PTPRM: variants seen among roughly 807,000 people sequenced by gnomAD.
The protein encoded by PTPRM is receptor-type tyrosine-protein phosphatase mu.
A neutral mutation model predicts 186.7 loss-of-function variants in PTPRM; 47 were observed. That is an observed-to-expected ratio of 0.25 (90% confidence interval 0.20 to 0.32). The LOEUF (loss-of-function observed/expected upper bound fraction) is 0.32. Ranked by LOEUF, PTPRM falls within the 10% of genes least tolerant of loss-of-function variation. The probability of loss-of-function intolerance (pLI) is 1.00; values close to 1 mark genes in which losing one functional copy is unlikely to be tolerated. For synonymous variants in PTPRM, 668 were observed against 674.9 expected, an observed-to-expected ratio of 0.99 and a Z score of 0.16; for missense variants, 1,494 against 1,865.0, an observed-to-expected ratio of 0.80 and a Z score of 3.66.
intron 7 of PTPRM, among the ~76,000 whole-genome samples, chr18:7,989,523 G>A (rs1304385611): frequency 6.6e-6 from 1 of 152,144 alleles, no homozygotes; most frequent in Non-Finnish European, 1.5e-5. Context: ...AAGCACTTCT[G>A]TATGTTCTTA....
chr18:8,279,772 G>A lies in PTPRM; in HGVS notation c.2755-16596G>A, dbSNP rs576628989. Among the ~76,000 whole-genome samples, 13 of 152,266 alleles carry A rather than the reference G, an allele frequency of 8.5e-5. No individual in the cohort carries two copies. The South Asian group carries it at 1.2e-3, about 15-fold the overall frequency. The stretch of plus-strand genomic sequence containing the variant: ...ATCCAGCACTGACTCTCAGCCTGCC[G>A]AGGGAGAGCCATGCCTGCAGAGTTT... On this transcript the variant is annotated intron_variant, in intron 19 of 32. Transcript: ENST00000580170.
chr18:8,036,254 T>A (rs1033716655), intron 7 of PTPRM, among the ~76,000 whole-genome samples: 1 of 152,236 alleles, frequency 6.6e-6, no homozygotes, highest in Non-Finnish European at 1.5e-5. Context: ...TCTGGCACAA[T>A]AGAAAATGTT....
At chr18:8,072,515 C>G (rs1182863333) in intron 8 of PTPRM, among the ~76,000 whole-genome samples, 2 of 151,790 alleles carry the variant, frequency 1.3e-5, no homozygotes, top group Admixed American at 1.3e-4. Context: ...ATTTTGTAAC[C>G]CCTCCAAAAA....
chr18:7,959,125 G>C (rs961562686), intron 7 of PTPRM, among the ~76,000 whole-genome samples: 2 of 152,202 alleles, frequency 1.3e-5, no homozygotes, highest in Admixed American at 6.5e-5. Flanking sequence ...GAGCCTTAAT[G>C]AGCTACTGAA....
intron 32 of PTPRM, chr18:8,403,193 A>G (rs563627186): frequency 2.0e-5 from 3 of 152,320 alleles, no homozygotes; most frequent in Admixed American, 6.5e-5. Flanking sequence ...CATGTTTCCT[A>G]TGTCAGAGTC....
chr18:7,994,265 AACACACACACACACAC>A (rs71165762), intron 7 of PTPRM, among the ~76,000 whole-genome samples: 2 of 149,012 alleles, frequency 1.3e-5, no homozygotes, highest in Admixed American at 6.7e-5. Context: ...GGATATAAAT[AACACACACACACACAC>A]ACACACACAC....
At chr18:8,153,958 C>G (rs2093066140) in intron 14 of PTPRM, among the ~76,000 whole-genome samples, 1 of 152,162 alleles carries the variant, frequency 6.6e-6, no homozygotes. Context: ...TCCAAAATGT[C>G]AGGTTTCCTG....
intron 7 of PTPRM, among the ~76,000 whole-genome samples, chr18:7,993,020 A>G (rs1371150546): frequency 6.6e-6 from 1 of 151,938 alleles, no homozygotes; most frequent in Non-Finnish European, 1.5e-5. Context: ...ACACAATTAA[A>G]AAAACATTAA....
In PTPRM at chr18:7,696,419, G is replaced by A. The variant is rs1316523045; in HGVS notation, c.74-77730G>A. On this transcript the variant is annotated intron_variant, in intron 1 of 32. Transcript: ENST00000580170. ...TTCATGTTTTTATATATGATACTCT[G>A]TTGTATTTATATCACAGATAATTAT... Among the ~76,000 whole-genome samples the A allele has an allele frequency of 2.0e-5, 3 of 152,122 alleles. No individual in the cohort carries two copies. In the East Asian group the frequency reaches 5.8e-4, roughly 29 times the overall value.
At chr18:8,314,697 G>A (rs1026894673) in intron 20 of PTPRM, 84 bp from the exon 21 acceptor site, 6 of 881,798 alleles carry the variant, frequency 6.8e-6, no homozygotes, top group Non-Finnish European at 1.1e-5. Context: ...TGATCTCTAT[G>A]TAATATGCTT....
chr18:7,665,550 T>C (rs549705813), intron 1 of PTPRM, among the ~76,000 whole-genome samples: 9 of 152,342 alleles, frequency 5.9e-5, no homozygotes, highest in Admixed American at 5.9e-4. Flanking sequence ...TTTATTTTGC[T>C]TGAAGTTATA....
intron 30 of PTPRM, among the ~76,000 whole-genome samples, chr18:8,385,177 T>C (rs1475922143): frequency 6.6e-6 from 1 of 152,134 alleles, no homozygotes; most frequent in East Asian, 1.9e-4. Flanking sequence ...TGGTCAGGTA[T>C]TAAGGGTGGG....
At chr18:8,398,195 G>C (rs567184206) in intron 32 of PTPRM, among the ~76,000 whole-genome samples, 8 of 152,028 alleles carry the variant, frequency 5.3e-5, no homozygotes, top group African/African-American at 1.9e-4. Context: ...TTTTGCCCAG[G>C]CTGGTTTCAA....
intron 2 of PTPRM, among the ~76,000 whole-genome samples, chr18:7,804,983 T>C (rs1032298849): frequency 1.3e-5 from 2 of 152,222 alleles, no homozygotes; most frequent in African/African-American, 4.8e-5. Context: ...TCTTTTCTTT[T>C]AAGGGTACAA....
At chr18:7,927,779 G>A (rs1427481940) in intron 5 of PTPRM, among the ~76,000 whole-genome samples, 1 of 152,270 alleles carries the variant, frequency 6.6e-6, no homozygotes, top group South Asian at 2.1e-4. Context: ...TAGAGACAGG[G>A]TTTCTCTCTG....
intron 20 of PTPRM, among the ~76,000 whole-genome samples, chr18:8,305,184 T>C (rs2095208018): frequency 6.6e-6 from 1 of 152,200 alleles, no homozygotes; most frequent in South Asian, 2.1e-4. Flanking sequence ...TTTGCTTGTT[T>C]GCCCACCATT....
chr18:8,344,548 T>A lies in PTPRM; in HGVS notation c.3054+1028T>A, dbSNP rs116815333. Among the ~76,000 whole-genome samples the A allele has an allele frequency of 6.1e-3, 921 of 151,372 alleles. 6 individuals are homozygous for A. Among genetic ancestry groups the A allele is most frequent in the African/African-American group, 0.021 (870 of 41,130 alleles). On this transcript the variant is annotated intron_variant, in intron 23 of 32. Coordinates refer to ENST00000580170, the MANE Select transcript of PTPRM (RefSeq NM_001105244.2). ...GAAATTCTAGATAAAAATATAAATA[T>A]GTATTTTAATATGTTTATATGTATA...
At chr18:8,308,263 A>G (rs1485493297) in intron 20 of PTPRM, among the ~76,000 whole-genome samples, 1 of 152,156 alleles carries the variant, frequency 6.6e-6, no homozygotes, top group East Asian at 1.9e-4. Context: ...AAAGTAGAGA[A>G]ATCACCTAAT....
At chr18:8,352,986 G>A (rs557804786) in intron 23 of PTPRM, among the ~76,000 whole-genome samples, 1 of 152,084 alleles carries the variant, frequency 6.6e-6, no homozygotes, top group East Asian at 1.9e-4. Flanking sequence ...CGTTTTTTAT[G>A]GCTATGTAGA....
Sources: gnomAD v4.1 joint callset for allele counts (sites outside exome capture counted in the v4.1 genomes callset) on GRCh38, gnomAD v4.1.1 for gene constraint, MANE v1.5 for transcripts, NCBI Gene and HGNC (gene_info 2026-07-23, HGNC 2026-07-21) for gene names.